Variants in POMT2 observed in about 807,000 individuals in gnomAD.
POMT2 encodes protein O-mannosyl-transferase 2.
A neutral mutation model predicts 100.0 loss-of-function variants in POMT2; 75 were observed. The observed-to-expected ratio is 0.75, with a 90% confidence interval of 0.62 to 0.91. The LOEUF (loss-of-function observed/expected upper bound fraction) is 0.91. POMT2 is among the 40% of genes least tolerant of loss of function. POMT2 has a pLI of 0.00. For synonymous variants in POMT2, 378 were observed against 374.1 expected, an observed-to-expected ratio of 1.01 and a Z score of -0.12; for missense variants, 940 against 955.1, an observed-to-expected ratio of 0.98 and a Z score of 0.21.
intron 15 of POMT2, among the ~76,000 whole-genome samples, chr14:77,281,509 G>A (rs751890646): frequency 5.9e-5 from 9 of 152,300 alleles, no homozygotes; most frequent in Non-Finnish European, 1.3e-4. Context: ...TTTCTCTACA[G>A]GGCAAACCAG....
chr14:77,300,262 A>C (rs1336483584), intron 6 of POMT2: 1 of 156,628 alleles, frequency 6.4e-6, no homozygotes, highest in Non-Finnish European at 1.4e-5. Flanking sequence ...CCTGGGGCCA[A>C]CCTAACCTGG....
At position 77,316,566 on chromosome 14, in the gene POMT2, TAAAAAAAA is replaced by T. The variant is rs60771363; in HGVS notation, c.248+3860_248+3867del. 3.9e-5 allele frequency among the ~76,000 whole-genome samples: 3 copies of T among 77,584 alleles called. No individual in the cohort carries two copies. The East Asian group carries it at 1.2e-3, about 31-fold the overall frequency. The allele number at this position is 77,584 out of a possible 152,430, so 50.9% of individuals were successfully genotyped here. A position where few individuals can be genotyped will look rare whatever the true frequency, so the allele number is the denominator to read the frequency against. On this transcript the variant is annotated intron_variant, in intron 1 of 20. Coordinates refer to ENST00000261534, the MANE Select transcript of POMT2 (RefSeq NM_013382.7). Reference sequence around the variant, plus strand: ...GGGCAACAGAGTCAGATCTCATCTCTAAAAAAAAAAAAAAAAAAAAAAAAGAGTATAGC... The same window carrying T: ...GGGCAACAGAGTCAGATCTCATCTCTAAAAAAAAAAAAAAAAGAGTATAGC...
At chr14:77,308,273 A>T (rs865898496) in intron 2 of POMT2, among the ~76,000 whole-genome samples, 1 of 152,342 alleles carries the variant, frequency 6.6e-6, no homozygotes, top group Non-Finnish European at 1.5e-5. Flanking sequence ...ACATATGAAA[A>T]AATGTTCAAC....
At chr14:77,297,090 A>T (rs540408879) in intron 8 of POMT2, among the ~76,000 whole-genome samples, 1 of 152,246 alleles carries the variant, frequency 6.6e-6, no homozygotes, top group Non-Finnish European at 1.5e-5. Flanking sequence ...TCTCCCAAGG[A>T]TTAAAGAGAG....
At chr14:77,304,851 G>T in intron 3 of POMT2, 51 bp from the exon 4 acceptor site, 1 of 1,548,934 alleles carries the variant, frequency 6.5e-7, no homozygotes, top group South Asian at 1.2e-5. Flanking sequence ...CTAGGTCAGC[G>T]ACCTACTGGA....
chr14:77,290,627 C>T (rs1009494651), intron 10 of POMT2, among the ~76,000 whole-genome samples: 28 of 152,220 alleles, frequency 1.8e-4, no homozygotes, highest in Admixed American at 1.8e-3. Flanking sequence ...GTTCTCTTAG[C>T]TGCAGCAGAG....
At chr14:77,285,249 T>C in intron 13 of POMT2, 1 of 710,524 alleles carries the variant, frequency 1.4e-6, no homozygotes, top group Non-Finnish European at 2.3e-6. Flanking sequence ...CAGAGAGTTA[T>C]TAGCACCAGC....
Position 77,314,023 on chromosome 14 carries a change from T to G in POMT2, c.249-1990A>C, listed in dbSNP as rs1891537773. Among the ~76,000 whole-genome samples the G allele has an allele frequency of 4.6e-5, 7 of 152,254 alleles. 1 individual carries two copies. The South Asian group carries it at 1.5e-3, about 32-fold the overall frequency. ...CGCACCCAGCCTGGGCTCCAGATTT[T>G]TACTTCAAAAGTTTCCCAAGTAAAA... On this transcript the variant is annotated intron_variant, in intron 1 of 20. Transcript: ENST00000261534.
At chr14:77,291,582 G>A in intron 9 of POMT2, 2 of 668,538 alleles carry the variant, frequency 3.0e-6, no homozygotes. Flanking sequence ...CCTTCCTTCT[G>A]CATTTAGAAG....
intron 9 of POMT2, among the ~76,000 whole-genome samples, chr14:77,294,468 C>T (rs1361630816): frequency 3.3e-5 from 5 of 152,198 alleles, no homozygotes; most frequent in Non-Finnish European, 4.4e-5. Context: ...ATTACTGGCA[C>T]GTGCCATCAA....
At chr14:77,286,947 TC>T in intron 11 of POMT2, 125 bp from the exon 12 acceptor site, 1 of 1,531,376 alleles carries the variant, frequency 6.5e-7, no homozygotes, top group Non-Finnish European at 8.8e-7. Context: ...AACTATTAAA[TC>T]CAACATATCA....
chr14:77,308,353 TTTG>T (rs1352653834), intron 2 of POMT2, among the ~76,000 whole-genome samples: 4 of 113,574 alleles, frequency 3.5e-5, no homozygotes, highest in African/African-American at 9.7e-5. Context: ...ACAAAGTTTT[TTTG>T]TTTTTTTTTT....
chr14:77,315,326 A>G (rs1241974314), intron 1 of POMT2, among the ~76,000 whole-genome samples: 1 of 151,642 alleles, frequency 6.6e-6, no homozygotes, highest in Non-Finnish European at 1.5e-5. Context: ...GCTTCTCCCC[A>G]CTCCCTGCAG....
At chr14:77,296,687 C>A (rs1457515265) in intron 8 of POMT2, among the ~76,000 whole-genome samples, 1 of 152,146 alleles carries the variant, frequency 6.6e-6, no homozygotes, top group Non-Finnish European at 1.5e-5. Context: ...CCTTTCGTGC[C>A]TTTTGAATCT....
In POMT2 at chr14:77,304,803, G is replaced by C; in HGVS notation, c.439-3C>G. ...CAGGAGCCAAGGAATGCACAGAACTGTGGGAGGAATAGAGAAGCTGTCAAA... is the reference window on the plus strand; with the variant it reads ...CAGGAGCCAAGGAATGCACAGAACTCTGGGAGGAATAGAGAAGCTGTCAAA... On this transcript the variant is annotated splice_polypyrimidine_tract_variant and splice_region_variant and intron_variant, in intron 3 of 20. Coordinates refer to ENST00000261534, the MANE Select transcript of POMT2 (RefSeq NM_013382.7). 8 of 1,583,054 alleles carry C rather than the reference G, an allele frequency of 5.1e-6. No individual in the cohort carries two copies. The highest frequency in any genetic ancestry group is 6.9e-6 in the Non-Finnish European group (8 of 1,164,550).
rs542846186 is a variant in POMT2, at chr14:77,320,835, G to C, written c.-154C>G. ...CGCGGGGCCCCGGGCTCGGGGCGGG[G>C]CGGGCAGCGTGGTCGCGGCCCGGGC... On this transcript the variant is annotated 5_prime_UTR_variant, in exon 1 of 21. Coordinates refer to ENST00000261534, the MANE Select transcript of POMT2 (RefSeq NM_013382.7). 1.2e-4 allele frequency: 170 copies of C among 1,360,156 alleles called. 1 individual carries two copies. The East Asian group carries it at 4.6e-3, about 37-fold the overall frequency. 84.3% of individuals were successfully genotyped at this position (1,360,156 alleles called of 1,614,324 possible).
Position 77,285,060 on chromosome 14 carries a change from AC to A in POMT2, c.1485-20del. ...CCAGCCCCTGTGAAAAGCAGAAGTC[AC>A]AGATGTCTCTCAGAAGACGTGAAAT... is the stretch of plus-strand genomic sequence containing the variant. On this transcript the variant is annotated intron_variant, in intron 13 of 20. Transcript: ENST00000261534. The A allele has an allele frequency of 6.3e-7, 1 of 1,577,004 alleles. No homozygotes were observed. The highest frequency in any genetic ancestry group is 8.7e-7 in the Non-Finnish European group (1 of 1,146,534).
chr14:77,306,306 A>G, intron 3 of POMT2, 31 bp downstream of exon 3: 1 of 1,609,334 alleles, frequency 6.2e-7, no homozygotes, highest in South Asian at 1.1e-5. Flanking sequence ...CCCAGGGTTC[A>G]GTCAGTCCAT....
chr14:77,283,232 G>A (rs1337543382), intron 15 of POMT2, among the ~76,000 whole-genome samples: 1 of 152,236 alleles, frequency 6.6e-6, no homozygotes, highest in Non-Finnish European at 1.5e-5. Context: ...ACTCAAATTA[G>A]CTATCCATCC....
Sources: allele counts gnomAD v4.1 joint callset (sites outside exome capture counted in the v4.1 genomes callset), GRCh38; gene constraint gnomAD v4.1.1; transcripts MANE v1.5; gene names NCBI Gene and HGNC (gene_info 2026-07-23, HGNC 2026-07-21).